The following RCOR1 variants were observed in gnomAD, a reference collection of about 807,000 sequenced individuals.
RCOR1 encodes the protein REST corepressor.
Under a neutral mutation model 64.0 loss-of-function variants are expected in RCOR1, and 12 were observed. The observed-to-expected ratio is 0.19, with a 90% confidence interval of 0.12 to 0.30. The LOEUF is 0.30. Ranked by LOEUF, RCOR1 falls within the 10% of genes least tolerant of loss-of-function variation. The pLI, the probability that RCOR1 is intolerant of heterozygous loss-of-function variation, is 1.00. For synonymous variants in RCOR1, 279 were observed against 227.2 expected (o/e 1.23, Z -2.05); for missense variants, 502 against 621.2 (o/e 0.81, Z 2.04).
chr14:102,724,064 C>A (rs896262559), intron 11 of RCOR1, among the ~76,000 whole-genome samples: 4 of 151,876 alleles, frequency 2.6e-5, no homozygotes, highest in Admixed American at 2.6e-4. Flanking sequence ...CCAGAAGGTT[C>A]TTCCGTAATG....
intron 2 of RCOR1, among the ~76,000 whole-genome samples, chr14:102,594,910 CA>C (rs1430958212): frequency 6.6e-6 from 1 of 152,126 alleles, no homozygotes; most frequent in African/African-American, 2.4e-5. Context: ...TCGACTTCCA[CA>C]AATCTTTGAG....
intron 2 of RCOR1, among the ~76,000 whole-genome samples, chr14:102,647,943 T>G (rs946243318): frequency 2.0e-5 from 3 of 152,206 alleles, no homozygotes; most frequent in African/African-American, 7.2e-5. Flanking sequence ...GCTCCCAAAG[T>G]GCTGAGATCA....
chr14:102,625,441 G>A (rs1056785514), intron 2 of RCOR1, among the ~76,000 whole-genome samples: 1 of 149,756 alleles, frequency 6.7e-6, no homozygotes, highest in African/African-American at 2.5e-5. Flanking sequence ...CTCCATGTTG[G>A]TCAGGCTTGT....
chr14:102,651,909 C>G (rs555726142), intron 2 of RCOR1, among the ~76,000 whole-genome samples: 1 of 152,268 alleles, frequency 6.6e-6, no homozygotes, highest in Admixed American at 6.5e-5. Context: ...GACCTGATTT[C>G]TTGTGGCTGA....
intron 3 of RCOR1, among the ~76,000 whole-genome samples, chr14:102,691,226 A>G (rs1195446948): frequency 6.6e-6 from 1 of 152,216 alleles, no homozygotes; most frequent in African/African-American, 2.4e-5. Context: ...CAAATACCAC[A>G]TATTCTCACT....
At chr14:102,662,402 T>C (rs1215750582) in intron 2 of RCOR1, 7 of 562,974 alleles carry the variant, frequency 1.2e-5, no homozygotes, top group Non-Finnish European at 2.1e-5. Context: ...CCTGTTGGCT[T>C]TAACATCTAC....
chr14:102,681,651 T>C (rs921369581), intron 2 of RCOR1, among the ~76,000 whole-genome samples: 6 of 152,150 alleles, frequency 3.9e-5, no homozygotes, highest in Admixed American at 3.9e-4. Flanking sequence ...TTCTTGGATG[T>C]CTCATGCCTA....
At chr14:102,600,889 G>A (rs1893380956) in intron 2 of RCOR1, among the ~76,000 whole-genome samples, 1 of 149,066 alleles carries the variant, frequency 6.7e-6, no homozygotes, top group South Asian at 2.3e-4. Context: ...TGTATTCTTA[G>A]TAGAGATGGT....
chr14:102,664,210 A>G (rs1894875566), intron 2 of RCOR1, among the ~76,000 whole-genome samples: 1 of 152,070 alleles, frequency 6.6e-6, no homozygotes, highest in African/African-American at 2.4e-5. Flanking sequence ...GGTTCAAGTG[A>G]TTCTCATCCC....
At chr14:102,693,044 G>C (rs956262002) in intron 3 of RCOR1, among the ~76,000 whole-genome samples, 6 of 151,992 alleles carry the variant, frequency 3.9e-5, no homozygotes, top group Non-Finnish European at 5.9e-5. Context: ...GAGATTACAG[G>C]CCTGAGCTTC....
At chr14:102,602,394 C>CTTTTTT (rs66743592) in intron 2 of RCOR1, among the ~76,000 whole-genome samples, 21 of 104,184 alleles carry the variant, frequency 2.0e-4, no homozygotes, top group East Asian at 7.8e-4. Context: ...CTTTTCTTTT[C>CTTTTTT]TTTTTTTTTT....
At chr14:102,595,749 T>G (rs1365600440) in intron 2 of RCOR1, among the ~76,000 whole-genome samples, 1 of 151,916 alleles carries the variant, frequency 6.6e-6, no homozygotes, top group Non-Finnish European at 1.5e-5. Context: ...CTGGCTAATT[T>G]TTTGTATTTT....
intron 2 of RCOR1, among the ~76,000 whole-genome samples, chr14:102,675,883 T>C (rs1349178288): frequency 4.6e-5 from 7 of 152,186 alleles, no homozygotes; most frequent in Non-Finnish European, 1.0e-4. Flanking sequence ...ACTGGCTTCT[T>C]TCACTCACTG....
At chr14:102,628,239 C>T (rs906427746) in intron 2 of RCOR1, among the ~76,000 whole-genome samples, 2 of 152,112 alleles carry the variant, frequency 1.3e-5, no homozygotes, top group Non-Finnish European at 2.9e-5. Context: ...TTACTCAGTC[C>T]ACGGATTCAA....
intron 2 of RCOR1, among the ~76,000 whole-genome samples, chr14:102,612,118 G>A (rs749623285): frequency 1.3e-5 from 2 of 151,796 alleles, no homozygotes; most frequent in African/African-American, 2.4e-5. Context: ...AGGGGGTGTG[G>A]AACCAGGGAC....
intron 2 of RCOR1, among the ~76,000 whole-genome samples, chr14:102,625,231 CTTTTTT>C (rs61403856): frequency 1.1e-4 from 9 of 79,194 alleles, no homozygotes; most frequent in East Asian, 7.6e-4. Flanking sequence ...TATCTTGTTA[CTTTTTT>C]TTTTTTTTTT....
intron 2 of RCOR1, among the ~76,000 whole-genome samples, chr14:102,647,363 C>T (rs966622722): frequency 1.3e-5 from 2 of 152,158 alleles, no homozygotes; most frequent in Non-Finnish European, 2.9e-5. Flanking sequence ...TTTCGCTGGG[C>T]TGGAATGCGG....
chr14:102,621,706 CACTTAAATG>C (rs1304312935), intron 2 of RCOR1, among the ~76,000 whole-genome samples: 18 of 99,268 alleles, frequency 1.8e-4, no homozygotes, highest in Non-Finnish European at 1.6e-4. Context: ...GAAATAAAAT[CACTTAAATG>C]AATGAATGAG....
At chr14:102,625,524 C>T (rs151058201) in intron 2 of RCOR1, among the ~76,000 whole-genome samples, 3,611 of 150,780 alleles carry the variant, frequency 0.024, 129 homozygotes, top group African/African-American at 0.076. Context: ...CATGAGCAAC[C>T]GCGCCTGGCT....
Sources: gnomAD v4.1 joint callset for allele counts (sites outside exome capture counted in the v4.1 genomes callset) on GRCh38, gnomAD v4.1.1 for gene constraint, MANE v1.5 for transcripts, NCBI Gene and HGNC (gene_info 2026-07-23, HGNC 2026-07-21) for gene names.